Variants in PIEZO2 observed in about 807,000 individuals in gnomAD.
PIEZO2 encodes the protein piezo type mechanosensitive ion channel component 2, also known as piezo-type mechanosensitive ion channel component 2.
A neutral mutation model predicts 337.3 loss-of-function variants in PIEZO2; 172 were observed. That is an observed-to-expected ratio of 0.51 (90% CI 0.45 to 0.58). The LOEUF (loss-of-function observed/expected upper bound fraction) is 0.58, where lower values mean the gene tolerates loss of function less well. Among genes scored for constraint, PIEZO2 ranks in the 20% least tolerant of loss-of-function variants. PIEZO2 has a pLI of 0.00. For missense variants in PIEZO2, 3,028 were observed against 3,391.3 expected, an observed-to-expected ratio of 0.89 and a Z score of 2.66; for synonymous variants, 1,251 against 1,228.5, an observed-to-expected ratio of 1.02 and a Z score of -0.38.
intron 1 of PIEZO2, among the ~76,000 whole-genome samples, chr18:11,093,608 A>C (rs1438890475): frequency 9.3e-6 from 1 of 107,810 alleles, no homozygotes; most frequent in Non-Finnish European, 1.7e-5. Flanking sequence ...TTTTTCTGAG[A>C]CGGAGTCTCG....
intron 3 of PIEZO2, among the ~76,000 whole-genome samples, chr18:10,935,241 G>A (rs1217861997): frequency 6.6e-6 from 1 of 152,090 alleles, no homozygotes; most frequent in African/African-American, 2.4e-5. Context: ...TGTTCTCCGC[G>A]ATGCCACACA....
intron 7 of PIEZO2, among the ~76,000 whole-genome samples, chr18:10,832,537 A>C (rs1465795793): frequency 6.6e-6 from 1 of 152,232 alleles, no homozygotes; most frequent in Admixed American, 6.5e-5. Flanking sequence ...TAGCTGAGCA[A>C]TGTTTTGATA....
Position 10,682,372 on chromosome 18 carries a change from T to TC in PIEZO2, c.7498-81_7498-80insG. The stretch of plus-strand genomic sequence containing the variant: ...GGCAGCGGGATTGGGGGAGAGCGAG[T>TC]GCTCTTCCTGTGGTGCTGGGAACAT... On this transcript the variant is annotated intron_variant, in intron 49 of 55. Coordinates refer to ENST00000674853, the MANE Select transcript of PIEZO2 (RefSeq NM_001378183.1). The surrounding 1 kb of genome is among the most constrained non-coding windows in gnomAD (Gnocchi z 5.6). 13 of 1,238,400 alleles carry TC rather than the reference T, an allele frequency of 1.0e-5. No individual in the cohort carries two copies. Among genetic ancestry groups the TC allele is most frequent in the Non-Finnish European group, 1.4e-5 (13 of 903,076 alleles). 76.7% of individuals were successfully genotyped at this position (1,238,400 alleles called of 1,614,324 possible). A position where few individuals can be genotyped will look rare whatever the true frequency, so the allele number is the denominator to read the frequency against.
In PIEZO2 at chr18:10,677,669, C is replaced by T. The variant is rs2034070019; in HGVS notation, c.8081+78G>A. The stretch of plus-strand genomic sequence containing the variant: ...AGAATGAAGTTGCATTCCTCATACA[C>T]ATGAATCTGTAGATGGACATTTTGT... On this transcript the variant is annotated intron_variant, in intron 53 of 55. Coordinates refer to ENST00000674853, the MANE Select transcript of PIEZO2 (RefSeq NM_001378183.1). This position sits in a 1 kb window ranked among gnomAD's most constrained non-coding sequence, Gnocchi z 4.1. 1 of 1,479,876 alleles carries T rather than the reference C, an allele frequency of 6.8e-7. No individual in the cohort carries two copies. Among genetic ancestry groups the T allele is most frequent in the Admixed American group, 2.2e-5 (1 of 45,048 alleles). 91.7% of individuals were successfully genotyped at this position (1,479,876 alleles called of 1,614,324 possible).
chr18:11,082,138 G>T (rs913321743), intron 1 of PIEZO2, among the ~76,000 whole-genome samples: 1 of 152,070 alleles, frequency 6.6e-6, no homozygotes, highest in African/African-American at 2.4e-5. Context: ...ACAGTTTGGG[G>T]TAAATTGCAT....
intron 30 of PIEZO2, among the ~76,000 whole-genome samples, chr18:10,744,661 T>C (rs2143684858): frequency 6.6e-6 from 1 of 152,202 alleles, no homozygotes; most frequent in East Asian, 1.9e-4. Flanking sequence ...AAACTGGGGA[T>C]TCCTTCAGGG....
At position 10,918,289 on chromosome 18, in the gene PIEZO2, TAATA is replaced by T. The variant is rs990225080; in HGVS notation, c.287-7065_287-7062del. Among the ~76,000 whole-genome samples the T allele has an allele frequency of 3.9e-5, 6 of 152,110 alleles. No individual in the cohort carries two copies. The East Asian group carries it at 5.8e-4, about 15-fold the overall frequency. ...AAAACATTATTTATCATCCCTTAAT[TAATA>T]GTTTTCATATTTAATGACACATTGT... On this transcript the variant is annotated intron_variant, in intron 3 of 55. Transcript: ENST00000674853.
chr18:10,930,861 G>T (rs968519171), intron 3 of PIEZO2, among the ~76,000 whole-genome samples: 1 of 152,156 alleles, frequency 6.6e-6, no homozygotes, highest in African/African-American at 2.4e-5. Context: ...TGTCTCTGTA[G>T]GTAACCGATG....
Position 10,726,531 on chromosome 18 carries a change from T to C in PIEZO2, c.5029+4876A>G. Reference sequence around the variant, plus strand: ...CCGTTCCTGTGGCGCGCTGCGCTGCTCTGCTCTGCTACACCAGCCGCCACG... The same window carrying C: ...CCGTTCCTGTGGCGCGCTGCGCTGCCCTGCTCTGCTACACCAGCCGCCACG... On this transcript the variant is annotated intron_variant, in intron 36 of 55. Coordinates refer to ENST00000674853, the MANE Select transcript of PIEZO2 (RefSeq NM_001378183.1). The surrounding 1 kb of genome is among the most constrained non-coding windows in gnomAD (Gnocchi z 5.9). 6.9e-7 allele frequency: 1 copy of C among 1,456,478 alleles called. No homozygotes were observed. Among genetic ancestry groups the C allele is most frequent in the Non-Finnish European group, 9.1e-7 (1 of 1,099,684 alleles). 90.2% of individuals were successfully genotyped at this position (1,456,478 alleles called of 1,614,324 possible).
In PIEZO2 at chr18:10,724,546, C is replaced by A. The variant is rs2036448852; in HGVS notation, c.5030-6287G>T. 1 of 539,246 alleles carries A rather than the reference C, an allele frequency of 1.9e-6. No individual in the cohort carries two copies. 33.4% of individuals were successfully genotyped at this position (539,246 alleles called of 1,614,324 possible). A position where few individuals can be genotyped will look rare whatever the true frequency, so the allele number is the denominator to read the frequency against. ...CCCACTCATGCTGGTCTCCACATACCCTTCTGTGTCCCCAGAAGTCGACAG... is the reference window on the plus strand; with the variant it reads ...CCCACTCATGCTGGTCTCCACATACACTTCTGTGTCCCCAGAAGTCGACAG... On this transcript the variant is annotated intron_variant, in intron 36 of 55. Transcript: ENST00000674853. This position sits in a 1 kb window ranked among gnomAD's most constrained non-coding sequence, Gnocchi z 5.8.
At position 10,675,416 on chromosome 18, in the gene PIEZO2, G is replaced by A. The variant is rs111686361; in HGVS notation, c.8082-128C>T. ...TGAAAGTTTCATATATCTGTACAAT[G>A]TGTAGACATCATAATTTACGGGTTC... On this transcript the variant is annotated intron_variant, in intron 53 of 55. Transcript: ENST00000674853. 327 of 481,514 alleles carry A rather than the reference G, an allele frequency of 6.8e-4. 1 individual carries two copies. The highest frequency in any genetic ancestry group is 6.1e-3 in the African/African-American group (302 of 49,632). The allele number at this position is 481,514 out of a possible 1,614,324, so 29.8% of individuals were successfully genotyped here.
At chr18:10,688,149 C>T (rs1173406897) in intron 49 of PIEZO2, among the ~76,000 whole-genome samples, 3 of 152,040 alleles carry the variant, frequency 2.0e-5, no homozygotes, top group Non-Finnish European at 4.4e-5. Context: ...AATACTATCC[C>T]TCCCCTTGCC....
intron 8 of PIEZO2, 78 bp from the exon 9 acceptor site, chr18:10,804,072 T>C: frequency 6.8e-7 from 1 of 1,470,790 alleles, no homozygotes; most frequent in Non-Finnish European, 9.0e-7. Flanking sequence ...ACAGAGCTTT[T>C]CATTTTGGCT....
At position 10,784,181 on chromosome 18, in the gene PIEZO2, C is replaced by G. The variant is rs1339587042; in HGVS notation, c.2492+603G>C. ...CCATTGTGGTTTGAATAAATACGGG[C>G]AGGAAAAGTAATATCCCATCTGTTA... On this transcript the variant is annotated intron_variant, in intron 17 of 55. Coordinates refer to ENST00000674853, the MANE Select transcript of PIEZO2 (RefSeq NM_001378183.1). This position sits in a 1 kb window ranked among gnomAD's most constrained non-coding sequence, Gnocchi z 4.5. Among the ~76,000 whole-genome samples the G allele has an allele frequency of 6.6e-6, 1 of 152,138 alleles. No individual in the cohort carries two copies. The highest frequency in any genetic ancestry group is 2.4e-5 in the African/African-American group (1 of 41,440).
chr18:10,696,677 G>T, intron 45 of PIEZO2, 138 bp from the exon 46 acceptor site: 1 of 971,094 alleles, frequency 1.0e-6, no homozygotes, highest in Non-Finnish European at 1.5e-6. Flanking sequence ...CTCTGCCTCA[G>T]GATAGTCCCG....
intron 1 of PIEZO2, among the ~76,000 whole-genome samples, chr18:11,124,961 A>G (rs948418801): frequency 9.8e-5 from 15 of 152,322 alleles, no homozygotes; most frequent in Admixed American, 2.6e-4. Flanking sequence ...CTGAATGTAT[A>G]CTAGACTCAA....
rs1237996867 is a variant in PIEZO2 at position 11,110,179 on chromosome 18, A to G, written c.64+38346T>C. On this transcript the variant is annotated intron_variant, in intron 1 of 55. Transcript: ENST00000674853. The surrounding 1 kb of genome is among the most constrained non-coding windows in gnomAD (Gnocchi z 4.2). ...TTACTCTATCACCCAGGCTGGAGTA[A>G]AGTGGTGTGATCATAGCTCACTGCA... Among the ~76,000 whole-genome samples the G allele has an allele frequency of 6.6e-6, 1 of 152,110 alleles. No homozygotes were observed. Among genetic ancestry groups the G allele is most frequent in the Non-Finnish European group, 1.5e-5 (1 of 68,000 alleles).
intron 37 of PIEZO2, 106 bp from the exon 38 acceptor site, chr18:10,715,922 C>A (rs1050076433): frequency 2.2e-6 from 2 of 891,946 alleles, no homozygotes; most frequent in East Asian, 5.4e-5. Flanking sequence ...GCTCTTGGCC[C>A]GTGCATCTAA....
Position 10,731,540 on chromosome 18 carries a change from A to T in PIEZO2, c.4915-19T>A. 1 of 1,454,922 alleles carries T rather than the reference A, an allele frequency of 6.9e-7. No individual in the cohort carries two copies. Among genetic ancestry groups the T allele is most frequent in the South Asian group, 1.3e-5 (1 of 76,158 alleles). The allele number at this position is 1,454,922 out of a possible 1,614,324, so 90.1% of individuals were successfully genotyped here. A position where few individuals can be genotyped will look rare whatever the true frequency, so the allele number is the denominator to read the frequency against. On this transcript the variant is annotated intron_variant, in intron 35 of 55. Coordinates refer to ENST00000674853, the MANE Select transcript of PIEZO2 (RefSeq NM_001378183.1). ...AAACAAACTGAAGGGAGAAAGTTCAATTATTTTCTGGCCTTTTAATAATTT... is the reference window on the plus strand; with the variant it reads ...AAACAAACTGAAGGGAGAAAGTTCATTTATTTTCTGGCCTTTTAATAATTT...
Sources: allele counts gnomAD v4.1 joint callset (sites outside exome capture counted in the v4.1 genomes callset), GRCh38; gene constraint gnomAD v4.1.1; non-coding constraint Gnocchi (gnomAD v3.1); transcripts MANE v1.5; gene names NCBI Gene and HGNC (gene_info 2026-07-23, HGNC 2026-07-21).